The following PRKCB variants were observed in gnomAD, a reference collection of about 807,000 sequenced individuals.
PRKCB encodes the protein protein kinase C beta type.
PRKCB carries 13 observed loss-of-function variants against 81.5 expected under a neutral mutation model. The ratio of observed to expected loss-of-function variants is 0.16; its 90% confidence interval spans 0.10 to 0.25. PRKCB has a LOEUF of 0.25. PRKCB is among the 10% of genes least tolerant of loss of function. The pLI, the probability that PRKCB is intolerant of heterozygous loss-of-function variation, is 1.00. For synonymous variants in PRKCB, 335 were observed against 321.4 expected (o/e 1.04, Z -0.45); for missense variants, 509 against 875.7 (o/e 0.58, Z 5.29).
chr16:24,172,518 T>G (rs1331219867), intron 11 of PRKCB, among the ~76,000 whole-genome samples, 157 bp downstream of exon 11: 1 of 152,070 alleles, frequency 6.6e-6, no homozygotes, highest in East Asian at 1.9e-4. Context: ...CTGCTTAATA[T>G]GAGATACTTC....
chr16:24,183,023 A>AT (rs957593072), intron 13 of PRKCB, among the ~76,000 whole-genome samples: 46 of 151,658 alleles, frequency 3.0e-4, no homozygotes, highest in African/African-American at 8.5e-4. Flanking sequence ...CGCCCAGCTA[A>AT]TTTTTTTTGT....
chr16:23,984,321 G>A (rs574165729), intron 2 of PRKCB, among the ~76,000 whole-genome samples: 15 of 152,296 alleles, frequency 9.8e-5, no homozygotes, highest in African/African-American at 2.9e-4. Flanking sequence ...ATTTTCCAGA[G>A]AGGAAACTGA....
intron 2 of PRKCB, among the ~76,000 whole-genome samples, chr16:23,939,300 A>T (rs763197361): frequency 6.6e-6 from 1 of 152,252 alleles, no homozygotes; most frequent in Non-Finnish European, 1.5e-5. Flanking sequence ...TAAAGGTAGC[A>T]GCTATCCCCA....
intron 2 of PRKCB, among the ~76,000 whole-genome samples, chr16:23,959,578 G>A (rs1382387389): frequency 2.6e-5 from 4 of 152,216 alleles, no homozygotes; most frequent in African/African-American, 9.7e-5. Flanking sequence ...CTTCTGCACA[G>A]AAATAGATAC....
At chr16:24,213,006 ATATTTATT>A (rs113357248) in intron 16 of PRKCB, among the ~76,000 whole-genome samples, 2,244 of 143,800 alleles carry the variant, frequency 0.016, 28 homozygotes, top group Non-Finnish European at 0.021. Context: ...CCGTACTTGT[ATATTTATT>A]TATTTATTTA....
At chr16:23,975,006 C>G (rs1567331324) in intron 2 of PRKCB, among the ~76,000 whole-genome samples, 2 of 152,166 alleles carry the variant, frequency 1.3e-5, no homozygotes, top group African/African-American at 4.8e-5. Context: ...GACAGCCCCA[C>G]CAGGACTGCA....
In PRKCB at chr16:23,920,505, C is replaced by T. The variant is rs539671726; in HGVS notation, c.206-68003C>T. ...ATAACTTTCTTTAAAAAAGGAAATT[C>T]ATAAAATATCATGCATCTTCCTTTT... On this transcript the variant is annotated intron_variant, in intron 2 of 16. Transcript: ENST00000643927. 3.9e-5 allele frequency among the ~76,000 whole-genome samples: 6 copies of T among 152,324 alleles called. No homozygotes were observed. In the South Asian group the frequency reaches 1.2e-3, roughly 32 times the overall value.
chr16:24,136,212 C>T (rs187413305), intron 9 of PRKCB, among the ~76,000 whole-genome samples: 1 of 152,120 alleles, frequency 6.6e-6, no homozygotes, highest in Admixed American at 6.5e-5. Flanking sequence ...CTTCCGCAGC[C>T]TCTGCCTTCA....
intron 5 of PRKCB, among the ~76,000 whole-genome samples, chr16:24,048,499 T>C (rs1027104262): frequency 7.2e-5 from 11 of 151,976 alleles, no homozygotes; most frequent in South Asian, 2.1e-4. Context: ...TCTTTCTTTT[T>C]TTTTTTTTTA....
At chr16:24,131,080 G>A (rs1008361083) in intron 9 of PRKCB, among the ~76,000 whole-genome samples, 20 of 152,314 alleles carry the variant, frequency 1.3e-4, no homozygotes, top group Admixed American at 5.9e-4. Context: ...GGTGTTAGTG[G>A]TGACTTTCTT....
At chr16:23,855,753 G>A (rs1962555048) in intron 2 of PRKCB, among the ~76,000 whole-genome samples, 1 of 152,204 alleles carries the variant, frequency 6.6e-6, no homozygotes, top group African/African-American at 2.4e-5. Flanking sequence ...CCAATTCCAT[G>A]GCTGGAGCTG....
Position 23,935,069 on chromosome 16 carries a change from C to T in PRKCB, c.206-53439C>T, listed in dbSNP as rs539333443. On this transcript the variant is annotated intron_variant, in intron 2 of 16. Transcript: ENST00000643927. Reference sequence around the variant, plus strand: ...ACCACAAACCTGGCTGAGCACAGAGCCACCCGGATGATGGGCTTAATAGGT... The same window carrying T: ...ACCACAAACCTGGCTGAGCACAGAGTCACCCGGATGATGGGCTTAATAGGT... Among the ~76,000 whole-genome samples the T allele has an allele frequency of 3.3e-5, 5 of 152,240 alleles. No homozygotes were observed. The East Asian group carries it at 9.6e-4, about 29-fold the overall frequency.
At chr16:23,858,419 G>A (rs1184582400) in intron 2 of PRKCB, among the ~76,000 whole-genome samples, 1 of 152,170 alleles carries the variant, frequency 6.6e-6, no homozygotes, top group East Asian at 1.9e-4. Flanking sequence ...TCTGGTATAC[G>A]GGATGGTGAT....
chr16:24,098,014 A>G (rs1171971349), intron 7 of PRKCB, among the ~76,000 whole-genome samples: 1 of 152,172 alleles, frequency 6.6e-6, no homozygotes, highest in Non-Finnish European at 1.5e-5. Flanking sequence ...GAATTCCAAA[A>G]GGAAGGGGAT....
intron 5 of PRKCB, among the ~76,000 whole-genome samples, chr16:24,067,943 A>G (rs1966057953): frequency 8.8e-6 from 1 of 113,162 alleles, no homozygotes; most frequent in Non-Finnish European, 1.7e-5. Flanking sequence ...CTCCGTCTCA[A>G]AAAAAAAAAA....
intron 3 of PRKCB, among the ~76,000 whole-genome samples, chr16:24,017,138 G>A (rs921555082): frequency 1.3e-5 from 2 of 152,262 alleles, no homozygotes; most frequent in East Asian, 1.9e-4. Context: ...GATACCAAGA[G>A]CTTATACTAT....
chr16:24,188,340 G>A (rs568973021), intron 15 of PRKCB, among the ~76,000 whole-genome samples: 4 of 152,306 alleles, frequency 2.6e-5, no homozygotes, highest in Admixed American at 1.3e-4. Flanking sequence ...CAGGGGATAC[G>A]TCTGGGAGGT....
intron 2 of PRKCB, among the ~76,000 whole-genome samples, chr16:23,939,467 C>G (rs1964108888): frequency 6.6e-6 from 1 of 152,178 alleles, no homozygotes; most frequent in Admixed American, 6.5e-5. Context: ...AGGAATCAGT[C>G]TACCGTAGTC....
At chr16:23,936,238 T>C (rs757206421) in intron 2 of PRKCB, among the ~76,000 whole-genome samples, 2 of 151,738 alleles carry the variant, frequency 1.3e-5, no homozygotes, top group Non-Finnish European at 2.9e-5. Context: ...AGCACCAGCA[T>C]GGTGTAATGA....
Sources: allele counts gnomAD v4.1 joint callset (sites outside exome capture counted in the v4.1 genomes callset), GRCh38; gene constraint gnomAD v4.1.1; transcripts MANE v1.5; gene names NCBI Gene and HGNC (gene_info 2026-07-23, HGNC 2026-07-21).